Variants in ANOS1 observed in about 807,000 individuals in gnomAD.
ANOS1 encodes anosmin-1.
Under a neutral mutation model 59.0 loss-of-function variants are expected in ANOS1, and 6 were observed. The ratio of observed to expected loss-of-function variants is 0.10; its 90% confidence interval spans 0.06 to 0.20. ANOS1 has a LOEUF of 0.20. ANOS1 is among the 10% of genes least tolerant of loss of function. ANOS1 has a pLI of 1.00. For synonymous variants in ANOS1, 217 were observed against 223.4 expected (o/e 0.97, Z 0.25); for missense variants, 433 against 542.3 (o/e 0.80, Z 2.00).
At chrX:8,576,904 A>G (rs1930337233) in intron 6 of ANOS1, among the ~76,000 whole-genome samples, 1 of 112,024 alleles carries the variant, frequency 8.9e-6, no homozygotes, top group African/African-American at 3.2e-5. Context: ...AGGCATTGAT[A>G]GGCCTTTTCT....
intron 2 of ANOS1, among the ~76,000 whole-genome samples, chrX:8,678,280 A>C (rs1310109658): frequency 1.8e-5 from 2 of 112,293 alleles, no homozygotes; most frequent in Non-Finnish European, 3.8e-5. Flanking sequence ...TACGTTACTT[A>C]AAGTCCCAAA....
intron 9 of ANOS1, 73 bp from the exon 10 acceptor site, chrX:8,539,831 C>T (rs1929654877): frequency 1.7e-6 from 2 of 1,184,913 alleles, no homozygotes; most frequent in Admixed American, 4.5e-5. Flanking sequence ...GGTTCTTGAA[C>T]TTGAGAGGAG....
At chrX:8,624,871 GC>G (rs1931364969) in intron 2 of ANOS1, among the ~76,000 whole-genome samples, 1 of 110,395 alleles carries the variant, frequency 9.1e-6, no homozygotes, top group South Asian at 3.8e-4. Context: ...ACTTTGGGAG[GC>G]TGAGGTGTGC....
chrX:8,702,103 C>T (rs1020383397), intron 1 of ANOS1, among the ~76,000 whole-genome samples: 1 of 111,168 alleles, frequency 9.0e-6, no homozygotes, highest in South Asian at 3.8e-4. Flanking sequence ...GAGTTCCGTA[C>T]GTCCACATCT....
intron 2 of ANOS1, among the ~76,000 whole-genome samples, chrX:8,644,223 A>G (rs1332112658): frequency 1.8e-5 from 2 of 111,837 alleles, no homozygotes; most frequent in African/African-American, 6.5e-5. Context: ...GTAAAAATAA[A>G]GTAATAAAGT....
intron 2 of ANOS1, among the ~76,000 whole-genome samples, chrX:8,626,111 CAAAAAAAAAAA>C (rs138234272): frequency 4.9e-4 from 12 of 24,526 alleles, no homozygotes; most frequent in East Asian, 1.8e-3. Context: ...GACTCTGTCT[CAAAAAAAAAAA>C]AAAAAAAAAA....
intron 6 of ANOS1, among the ~76,000 whole-genome samples, chrX:8,571,423 A>T (rs112761447): frequency 0.035 from 3,957 of 111,911 alleles, 182 homozygotes; most frequent in African/African-American, 0.12. Flanking sequence ...AATTCAGCTC[A>T]TAAAAGCAAT....
chrX:8,534,538 A>G, intron 12 of ANOS1, 78 bp from the exon 13 acceptor site: 2 of 1,045,470 alleles, frequency 1.9e-6, no homozygotes, highest in East Asian at 3.1e-5. Flanking sequence ...AGCCTAGAAC[A>G]GTTTTTCCCC....
intron 1 of ANOS1, among the ~76,000 whole-genome samples, chrX:8,716,559 C>T (rs927714519): frequency 5.4e-5 from 6 of 111,781 alleles, no homozygotes; most frequent in Non-Finnish European, 1.1e-4. Flanking sequence ...AGGGACAGAA[C>T]CAGGGTAGGG....
At chrX:8,583,562 C>T (rs761405697) in intron 6 of ANOS1, among the ~76,000 whole-genome samples, 1 of 111,651 alleles carries the variant, frequency 9.0e-6, no homozygotes, top group Non-Finnish European at 1.9e-5. Flanking sequence ...GAATGTCTAC[C>T]ACCCTTTGGC....
chrX:8,668,264 G>C (rs1455443226), intron 2 of ANOS1, among the ~76,000 whole-genome samples: 2 of 106,613 alleles, frequency 1.9e-5, no homozygotes, highest in Non-Finnish European at 3.9e-5. Flanking sequence ...CTCCCACTTA[G>C]GAGTGAGAAT....
At chrX:8,683,011 C>T (rs769357848) in intron 2 of ANOS1, among the ~76,000 whole-genome samples, 1 of 110,985 alleles carries the variant, frequency 9.0e-6, no homozygotes, top group Non-Finnish European at 1.9e-5. Context: ...AGGTGGGGCC[C>T]GGGAATCTGC....
At chrX:8,711,568 C>T (rs188035699) in intron 1 of ANOS1, among the ~76,000 whole-genome samples, 48 of 112,649 alleles carry the variant, frequency 4.3e-4, no homozygotes, top group Non-Finnish European at 3.9e-4. Flanking sequence ...CTGTGACCAT[C>T]CAAGGTCAAG....
intron 8 of ANOS1, among the ~76,000 whole-genome samples, chrX:8,558,169 T>A (rs986336553): frequency 1.9e-5 from 2 of 107,683 alleles, no homozygotes; most frequent in African/African-American, 6.8e-5. Flanking sequence ...CCAGGGCCTG[T>A]TGGGGGTGGG....
chrX:8,617,432 C>T (rs1319380716), intron 3 of ANOS1, among the ~76,000 whole-genome samples: 1 of 111,785 alleles, frequency 8.9e-6, no homozygotes, highest in Non-Finnish European at 1.9e-5. Context: ...TCTTTCAGAG[C>T]CACGTGAAGG....
chrX:8,713,281 T>C (rs1932822437), intron 1 of ANOS1, among the ~76,000 whole-genome samples: 1 of 110,005 alleles, frequency 9.1e-6, no homozygotes, highest in Non-Finnish European at 1.9e-5. Context: ...GGATGGAGAA[T>C]GGACAGTTCC....
chrX:8,560,630 G>T (rs533692311), intron 8 of ANOS1, among the ~76,000 whole-genome samples: 3 of 112,492 alleles, frequency 2.7e-5, no homozygotes, highest in African/African-American at 9.7e-5. Context: ...AGAGGAATTG[G>T]TATACACTGA....
intron 2 of ANOS1, among the ~76,000 whole-genome samples, chrX:8,643,477 C>A (rs766888413): frequency 9.0e-6 from 1 of 111,712 alleles, no homozygotes; most frequent in Non-Finnish European, 1.9e-5. Flanking sequence ...CATAAGTTCT[C>A]ATTAGATGGG....
chrX:8,574,213 C>T (rs1043088272), intron 6 of ANOS1, among the ~76,000 whole-genome samples: 1 of 109,476 alleles, frequency 9.1e-6, no homozygotes, highest in Non-Finnish European at 1.9e-5. Context: ...TTTGCCTAAA[C>T]GCTTTCCCTG....
Sources: gnomAD v4.1 joint callset for allele counts (sites outside exome capture counted in the v4.1 genomes callset) on GRCh38, gnomAD v4.1.1 for gene constraint, MANE v1.5 for transcripts, NCBI Gene and HGNC (gene_info 2026-07-23, HGNC 2026-07-21) for gene names.